EIF4B: variants seen among roughly 807,000 people sequenced by gnomAD.
EIF4B encodes eukaryotic translation initiation factor 4B.
Under a neutral mutation model 79.3 loss-of-function variants are expected in EIF4B, and 8 were observed. The observed-to-expected ratio is 0.10, with a 90% CI of 0.06 to 0.18. The LOEUF (loss-of-function observed/expected upper bound fraction) is 0.18, where lower values mean the gene tolerates loss of function less well. Ranked by LOEUF, EIF4B falls within the 10% of genes least tolerant of loss-of-function variation. The pLI is 1.00. For synonymous variants in EIF4B, 238 were observed against 274.7 expected (o/e 0.87, Z 1.32); for missense variants, 515 against 792.4 (o/e 0.65, Z 4.20).
At chr12:53,013,731 G>A (rs968766070) in intron 1 of EIF4B, 8 of 151,626 alleles carry the variant, frequency 5.3e-5, no homozygotes, top group Admixed American at 2.6e-4. Flanking sequence ...AGGTTATAGT[G>A]AGCCAAGATG....
At position 53,041,608 on chromosome 12, in the gene EIF4B, T is replaced by G. The variant is rs1403314331; in HGVS notation, c.*1385T>G. 6.6e-6 allele frequency: 1 copy of G among 152,186 alleles called. No individual in the cohort carries two copies. 9.4% of individuals were successfully genotyped at this position (152,186 alleles called of 1,614,324 possible). A position where few individuals can be genotyped will look rare whatever the true frequency, so the allele number is the denominator to read the frequency against. On this transcript the variant is annotated 3_prime_UTR_variant, in exon 15 of 15. Transcript: ENST00000262056. ...AACACAGTAGCTAAACTTGCCTGCT[T>G]TTATATGCATTTTTGTAGGGATCAG...
At chr12:53,029,323 A>G (rs544158397) in intron 8 of EIF4B, among the ~76,000 whole-genome samples, 28 of 151,948 alleles carry the variant, frequency 1.8e-4, no homozygotes, top group African/African-American at 6.5e-4. Flanking sequence ...CAGTGATGTC[A>G]TATAAAAGGT....
intron 2 of EIF4B, among the ~76,000 whole-genome samples, chr12:53,017,025 G>A (rs1943159445): frequency 6.6e-6 from 1 of 152,084 alleles, no homozygotes; most frequent in Non-Finnish European, 1.5e-5. Context: ...GGCCGAGGTG[G>A]GCAGATCACA....
chr12:53,034,773 T>C (rs758815588), intron 10 of EIF4B, 64 bp downstream of exon 10: 7 of 1,554,858 alleles, frequency 4.5e-6, no homozygotes, highest in Non-Finnish European at 6.2e-6. Flanking sequence ...ATAACCAAAT[T>C]ATGCAGAGAC....
intron 3 of EIF4B, 25 bp from the exon 4 acceptor site, chr12:53,019,883 CTT>C: frequency 3.1e-6 from 5 of 1,598,148 alleles, no homozygotes; most frequent in Non-Finnish European, 4.3e-6. Context: ...TGCTGGGAAA[CTT>C]TGTTGTTGAT....
intron 6 of EIF4B, among the ~76,000 whole-genome samples, chr12:53,026,033 A>T (rs1943328305): frequency 6.6e-6 from 1 of 151,954 alleles, no homozygotes; most frequent in South Asian, 2.1e-4. Context: ...CGGGAGGTGG[A>T]GGTTGCAGTG....
Position 53,027,926 on chromosome 12 carries a change from G to A in EIF4B, c.805+7G>A. ...AGCAGAGACTATGATAGAGGTAATT[G>A]TAAAACATGTCGAATTGCTCTTTCA... On this transcript the variant is annotated splice_region_variant and intron_variant, in intron 7 of 14. Transcript: ENST00000262056. 2 of 1,612,684 alleles carry A rather than the reference G, an allele frequency of 1.2e-6. No individual in the cohort carries two copies. The highest frequency in any genetic ancestry group is 4.5e-5 in the East Asian group (2 of 44,830).
At chr12:53,007,420 CTTTTT>C (rs56017954) in intron 1 of EIF4B, among the ~76,000 whole-genome samples, 2 of 92,236 alleles carry the variant, frequency 2.2e-5, no homozygotes, top group Admixed American at 1.3e-4. Flanking sequence ...AGATTTCAGC[CTTTTT>C]TTTTTTTTTT....
chr12:53,020,083 T>C, intron 4 of EIF4B, 57 bp downstream of exon 4: 1 of 1,417,926 alleles, frequency 7.1e-7, no homozygotes, highest in Non-Finnish European at 9.6e-7. Flanking sequence ...CTCATGTTTA[T>C]TGATCAAACT....
chr12:53,016,672 A>G (rs1943153879), intron 2 of EIF4B, 62 bp downstream of exon 2: 2 of 1,506,882 alleles, frequency 1.3e-6, no homozygotes, highest in South Asian at 1.4e-5. Context: ...AACCTATTAC[A>G]TAATAATTCA....
At chr12:53,013,711 TG>T (rs1943102438) in intron 1 of EIF4B, 3 of 151,128 alleles carry the variant, frequency 2.0e-5, no homozygotes, top group African/African-American at 7.3e-5. Flanking sequence ...CACTTGAACC[TG>T]GGAGGCAGAG....
intron 1 of EIF4B, chr12:53,014,648 C>T (rs1943119735): frequency 6.6e-6 from 1 of 152,096 alleles, no homozygotes; most frequent in Non-Finnish European, 1.5e-5. Context: ...AACTGGTTAC[C>T]TTTATTTCCT....
intron 2 of EIF4B, among the ~76,000 whole-genome samples, 185 bp from the exon 3 acceptor site, chr12:53,018,613 G>A (rs1039178236): frequency 2.0e-5 from 3 of 152,098 alleles, no homozygotes; most frequent in African/African-American, 7.2e-5. Context: ...TAAAGATTAA[G>A]GTGTCATAAT....
intron 1 of EIF4B, among the ~76,000 whole-genome samples, chr12:53,012,584 TCTTTTTTTTTTC>T (rs1346293541): frequency 6.6e-6 from 1 of 150,970 alleles, no homozygotes; most frequent in East Asian, 1.9e-4. Flanking sequence ...AACAGTAATT[TCTTTTTTTTTTC>T]CTTTTTTTTT....
chr12:53,027,571 C>G (rs574644713), intron 6 of EIF4B, among the ~76,000 whole-genome samples: 7 of 152,148 alleles, frequency 4.6e-5, no homozygotes, highest in Non-Finnish European at 8.8e-5. Flanking sequence ...TCTGGAAATT[C>G]ATTATGGAAT....
At chr12:53,011,831 A>G (rs1592213235) in intron 1 of EIF4B, among the ~76,000 whole-genome samples, 1 of 152,334 alleles carries the variant, frequency 6.6e-6, no homozygotes, top group African/African-American at 2.4e-5. Flanking sequence ...TAGACCATGT[A>G]TAAATAATTG....
At chr12:53,012,075 C>A (rs1018006881) in intron 1 of EIF4B, 2 of 152,154 alleles carry the variant, frequency 1.3e-5, no homozygotes, top group Non-Finnish European at 2.9e-5. Flanking sequence ...TAGATAACAT[C>A]TTTTCTCAGT....
chr12:53,006,544 C>G lies in EIF4B; in HGVS notation c.13+48C>G, dbSNP rs1401142573. 3 of 1,612,836 alleles carry G rather than the reference C, an allele frequency of 1.9e-6. No individual in the cohort carries two copies. The African/African-American group carries it at 4.0e-5, about 22-fold the overall frequency. ...CCAAGGACTGGGCTCTGAAACCCCC[C>G]TCCGAGCGTGATCCACTGATTTCCT... On this transcript the variant is annotated intron_variant, in intron 1 of 14. Coordinates refer to ENST00000262056, the MANE Select transcript of EIF4B (RefSeq NM_001417.7).
At chr12:53,017,436 C>T (rs1943166648) in intron 2 of EIF4B, among the ~76,000 whole-genome samples, 1 of 152,028 alleles carries the variant, frequency 6.6e-6, no homozygotes, top group Non-Finnish European at 1.5e-5. Context: ...GTCAATTGGA[C>T]AAGTTCTGTG....
Sources: gnomAD v4.1 joint callset for allele counts (sites outside exome capture counted in the v4.1 genomes callset) on GRCh38, gnomAD v4.1.1 for gene constraint, MANE v1.5 for transcripts, NCBI Gene and HGNC (gene_info 2026-07-23, HGNC 2026-07-21) for gene names.